MGST1: variants seen among roughly 807,000 people sequenced by gnomAD.
MGST1 encodes the protein microsomal glutathione S-transferase 1.
In MGST1, 5 loss-of-function variants were observed where a neutral mutation model predicts 8.9. The observed-to-expected ratio is 0.56, with a 90% CI of 0.29 to 1.19. The LOEUF (loss-of-function observed/expected upper bound fraction) is 1.19, where lower values mean the gene tolerates loss of function less well. Among genes scored for constraint, MGST1 ranks in the 50% most tolerant of loss-of-function variants. The pLI, the probability that MGST1 is intolerant of heterozygous loss-of-function variation, is 0.08. For synonymous variants in MGST1, 54 were observed against 67.8 expected (o/e 0.80, Z 1.00); for missense variants, 182 against 187.4 (o/e 0.97, Z 0.17).
intron 4 of MGST1, among the ~76,000 whole-genome samples, chr12:16,448,755 G>C (rs1941103319): frequency 6.6e-6 from 1 of 151,860 alleles, no homozygotes; most frequent in African/African-American, 2.4e-5. Context: ...GATTTTGGAG[G>C]ACCTTTATTT....
chr12:16,401,486 G>T lies in MGST1; in HGVS notation n.778+17882G>T. ...TTCACACCATGTCTTAATTCCTTCAGCAGCTCTTCTTGAAGCTGGAGTAAA... is the reference window on the plus strand; with the variant it reads ...TTCACACCATGTCTTAATTCCTTCATCAGCTCTTCTTGAAGCTGGAGTAAA... On this transcript the variant is annotated intron_variant and non_coding_transcript_variant, in intron 1 of 1. Coordinates refer to the MGST1 transcript ENST00000359720. The surrounding 1 kb of genome is among the most constrained non-coding windows in gnomAD (Gnocchi z 4.3). The T allele has an allele frequency of 1.2e-6, 1 of 838,726 alleles. No homozygotes were observed. Among genetic ancestry groups the T allele is most frequent in the Non-Finnish European group, 2.1e-6 (1 of 487,226 alleles). 52.0% of individuals were successfully genotyped at this position (838,726 alleles called of 1,614,324 possible).
intron 1 of MGST1, among the ~76,000 whole-genome samples, chr12:16,404,658 C>A (rs138284118): frequency 6.6e-6 from 1 of 152,184 alleles, no homozygotes; most frequent in East Asian, 1.9e-4. Flanking sequence ...ACCATAGGAG[C>A]TTTTGCTTCA....
intron 1 of MGST1, among the ~76,000 whole-genome samples, chr12:16,352,001 C>T (rs1039530391): frequency 7.9e-5 from 12 of 152,084 alleles, no homozygotes; most frequent in Non-Finnish European, 1.3e-4. Flanking sequence ...TAGAATTAAG[C>T]AGAATTAAAG....
rs915977650 is a variant in MGST1 at position 16,589,506 on chromosome 12, T to C, written n.483-22T>C. 4 of 152,112 alleles carry C rather than the reference T, an allele frequency of 2.6e-5. No individual in the cohort carries two copies. Among genetic ancestry groups the C allele is most frequent in the Non-Finnish European group, 4.4e-5 (3 of 68,002 alleles). The allele number at this position is 152,112 out of a possible 1,614,324, so 9.4% of individuals were successfully genotyped here. ...TAAGAAAAATTAATTTAAAATCTCC[T>C]GAAAAATTATGTCTTTTTTAGGTTG... On this transcript the variant is annotated intron_variant and non_coding_transcript_variant, in intron 4 of 4. Coordinates refer to the MGST1 transcript ENST00000538857. The surrounding 1 kb of genome is among the most constrained non-coding windows in gnomAD (Gnocchi z 4.2).
At chr12:16,454,540 T>C (rs1941154642) in intron 4 of MGST1, among the ~76,000 whole-genome samples, 2 of 151,878 alleles carry the variant, frequency 1.3e-5, no homozygotes, top group Middle Eastern at 3.2e-3. Flanking sequence ...AGATGTTAAA[T>C]AAATCTACCA....
At chr12:16,445,781 T>C (rs758220002) in intron 4 of MGST1, among the ~76,000 whole-genome samples, 1 of 151,954 alleles carries the variant, frequency 6.6e-6, no homozygotes. Context: ...CTCCAGAATC[T>C]ATCTAGTTTG....
chr12:16,350,047 G>A (rs1308609452), intron 1 of MGST1, among the ~76,000 whole-genome samples: 2 of 151,896 alleles, frequency 1.3e-5, no homozygotes, highest in South Asian at 2.1e-4. Flanking sequence ...CTCGGCCCCC[G>A]CTTTTCTAAC....
chr12:16,358,471 C>CT (rs796550483), intron 3 of MGST1, among the ~76,000 whole-genome samples: 4,380 of 144,740 alleles, frequency 0.03, 109 homozygotes, highest in African/African-American at 0.071. Flanking sequence ...TGATTTCATT[C>CT]TTTTTTTTTT....
chr12:16,429,011 T>G (rs2137091108), intron 1 of MGST1, among the ~76,000 whole-genome samples: 1 of 152,242 alleles, frequency 6.6e-6, no homozygotes, highest in East Asian at 1.9e-4. Flanking sequence ...GTGTACATTT[T>G]TGTTTTTTTG....
intron 1 of MGST1, among the ~76,000 whole-genome samples, chr12:16,436,744 G>T (rs1940991091): frequency 6.6e-6 from 1 of 151,936 alleles, no homozygotes; most frequent in Admixed American, 6.6e-5. Flanking sequence ...GTGTACAGAA[G>T]GAGAAACAAA....
intron 4 of MGST1, among the ~76,000 whole-genome samples, chr12:16,449,037 T>C (rs556126227): frequency 1.3e-5 from 2 of 152,116 alleles, no homozygotes; most frequent in Admixed American, 1.3e-4. Context: ...ATAATGATGC[T>C]ATGCAGTCTT....
chr12:16,434,311 T>A (rs1481522206), intron 1 of MGST1, among the ~76,000 whole-genome samples: 2 of 152,110 alleles, frequency 1.3e-5, no homozygotes, highest in East Asian at 3.9e-4. Context: ...GTACTATAGT[T>A]AAGCTGTGAA....
intron 4 of MGST1, among the ~76,000 whole-genome samples, chr12:16,558,197 G>A (rs1942262579): frequency 1.3e-5 from 2 of 152,034 alleles, no homozygotes; most frequent in Non-Finnish European, 2.9e-5. Flanking sequence ...TTTATACAAT[G>A]TCATTTGTCC....
At chr12:16,515,854 A>G (rs985308041) in intron 4 of MGST1, among the ~76,000 whole-genome samples, 4 of 152,058 alleles carry the variant, frequency 2.6e-5, no homozygotes, top group African/African-American at 7.2e-5. Context: ...ATCTCACATC[A>G]TGAGTCAGAC....
chr12:16,359,930 C>A (rs1045365), intron 3 of MGST1, among the ~76,000 whole-genome samples: 1 of 152,204 alleles, frequency 6.6e-6, no homozygotes, highest in African/African-American at 2.4e-5. Flanking sequence ...TTACTCCCTG[C>A]CCGTGGGATT....
intron 4 of MGST1, among the ~76,000 whole-genome samples, chr12:16,554,014 C>T (rs1203906743): frequency 6.6e-6 from 1 of 151,794 alleles, no homozygotes; most frequent in Admixed American, 6.6e-5. Flanking sequence ...TTAATTTTAC[C>T]CTCATTTAAA....
chr12:16,567,487 GACAA>G (rs1942658598), intron 4 of MGST1: 1 of 152,346 alleles, frequency 6.6e-6, no homozygotes, highest in Non-Finnish European at 1.5e-5. Context: ...GACTGGGGAA[GACAA>G]ACCAGCTGAA....
At chr12:16,394,462 C>T (rs1201218159) in intron 1 of MGST1, among the ~76,000 whole-genome samples, 1 of 150,294 alleles carries the variant, frequency 6.7e-6, no homozygotes, top group Non-Finnish European at 1.5e-5. Flanking sequence ...CTCACTCTTC[C>T]TCCCTCCCTT....
chr12:16,349,684 G>A (rs1017803269), intron 1 of MGST1, among the ~76,000 whole-genome samples: 1 of 151,410 alleles, frequency 6.6e-6, no homozygotes, highest in African/African-American at 2.4e-5. Context: ...CTAGAACAGC[G>A]CCAAAGTCGG....
Sources: gnomAD v4.1 joint callset for allele counts (sites outside exome capture counted in the v4.1 genomes callset) on GRCh38, gnomAD v4.1.1 for gene constraint, Gnocchi (gnomAD v3.1) non-coding constraint, MANE v1.5 for transcripts, NCBI Gene and HGNC (gene_info 2026-07-23, HGNC 2026-07-21) for gene names.